ZNF804B: variants seen among roughly 807,000 people sequenced by gnomAD.
The protein encoded by ZNF804B is zinc finger 804B.
ZNF804B carries 80 observed loss-of-function variants against 101.4 expected under a neutral mutation model. The observed-to-expected ratio is 0.79, with a 90% CI of 0.66 to 0.95. The LOEUF (loss-of-function observed/expected upper bound fraction) is 0.95. ZNF804B is among the 40% of genes least tolerant of loss of function. The pLI is 0.00. For missense variants in ZNF804B, 1,673 were observed against 1,561.9 expected (o/e 1.07, Z -1.20); for synonymous variants, 622 against 558.8 (o/e 1.11, Z -1.59).
chr7:89,140,993 A>T (rs1290068429), intron 1 of ZNF804B, among the ~76,000 whole-genome samples: 1 of 152,016 alleles, frequency 6.6e-6, no homozygotes, highest in Non-Finnish European at 1.5e-5. Flanking sequence ...TTGAACCCTT[A>T]GAGGACATTG....
chr7:88,988,486 G>A (rs1793797070), intron 1 of ZNF804B, among the ~76,000 whole-genome samples: 1 of 152,124 alleles, frequency 6.6e-6, no homozygotes, highest in Non-Finnish European at 1.5e-5. Context: ...CGTATATACA[G>A]CATCAACAGG....
intron 1 of ZNF804B, among the ~76,000 whole-genome samples, chr7:89,071,890 C>T (rs1789547493): frequency 6.6e-6 from 1 of 151,984 alleles, no homozygotes; most frequent in South Asian, 2.1e-4. Context: ...CTTATTGTTA[C>T]TTCTATAAGT....
chr7:89,207,437 C>G (rs1788730801), intron 1 of ZNF804B, among the ~76,000 whole-genome samples: 1 of 152,152 alleles, frequency 6.6e-6, no homozygotes, highest in Non-Finnish European at 1.5e-5. Flanking sequence ...GACTTATTCA[C>G]TATCATGAGA....
intron 1 of ZNF804B, among the ~76,000 whole-genome samples, chr7:89,082,798 A>T (rs1470094263): frequency 5.3e-5 from 8 of 151,792 alleles, no homozygotes; most frequent in African/African-American, 1.9e-4. Context: ...AATGGAAGAC[A>T]TGTGTAGCGA....
rs1175801139 is a variant in ZNF804B, at chr7:89,170,338, C to T, written c.109-47817C>T. Among the ~76,000 whole-genome samples the T allele has an allele frequency of 4.6e-5, 7 of 152,246 alleles. No individual in the cohort carries two copies. In the East Asian group the frequency reaches 1.3e-3, roughly 29 times the overall value. On this transcript the variant is annotated intron_variant, in intron 1 of 3. Transcript: ENST00000333190. ...TACCTAACCAATGAAAGTGTCAATC[C>T]ATTGCCTTTGTAGATGCAGAAACTA...
intron 1 of ZNF804B, among the ~76,000 whole-genome samples, chr7:88,832,534 T>C (rs1791148017): frequency 6.6e-6 from 1 of 151,982 alleles, no homozygotes. Context: ...GCGGGAGCTA[T>C]TTTTTGTTTG....
At chr7:88,833,414 G>C (rs775859289) in intron 1 of ZNF804B, among the ~76,000 whole-genome samples, 3 of 151,824 alleles carry the variant, frequency 2.0e-5, no homozygotes, top group Non-Finnish European at 4.4e-5. Flanking sequence ...GGGTTAACAG[G>C]TTCTTTAGCT....
intron 1 of ZNF804B, among the ~76,000 whole-genome samples, chr7:89,117,998 A>T (rs890970681): frequency 1.3e-5 from 2 of 152,182 alleles, no homozygotes; most frequent in African/African-American, 2.4e-5. Flanking sequence ...ATACAAAAGC[A>T]TGAATTATTT....
At chr7:89,083,608 A>G (rs1789729552) in intron 1 of ZNF804B, among the ~76,000 whole-genome samples, 1 of 151,940 alleles carries the variant, frequency 6.6e-6, no homozygotes, top group Non-Finnish European at 1.5e-5. Flanking sequence ...TACTCAAGCA[A>G]TATTCCAAGT....
intron 1 of ZNF804B, among the ~76,000 whole-genome samples, chr7:88,854,414 C>T (rs199571978): frequency 0.011 from 653 of 57,036 alleles, 55 homozygotes; most frequent in African/African-American, 0.02. Context: ...TTTCTTTCTT[C>T]CTTTCTTTCT....
At chr7:88,981,349 C>T (rs931493017) in intron 1 of ZNF804B, among the ~76,000 whole-genome samples, 14 of 152,074 alleles carry the variant, frequency 9.2e-5, no homozygotes, top group Non-Finnish European at 1.6e-4. Flanking sequence ...CTCTATTCTA[C>T]TGTGGTTGAG....
intron 2 of ZNF804B, among the ~76,000 whole-genome samples, chr7:89,235,011 A>G (rs1789258778): frequency 1.3e-5 from 2 of 152,130 alleles, no homozygotes; most frequent in Non-Finnish European, 2.9e-5. Flanking sequence ...CTATTACACC[A>G]TCATAAACTC....
chr7:88,776,555 G>GTTTTTTTTTTTTTT (rs10630362), intron 1 of ZNF804B, among the ~76,000 whole-genome samples: 2 of 106,456 alleles, frequency 1.9e-5, no homozygotes, highest in African/African-American at 6.6e-5. Context: ...TTCTCGTGGT[G>GTTTTTTTTTTTTTT]TTTTGTTTTT....
At chr7:88,991,790 T>C (rs1472755557) in intron 1 of ZNF804B, among the ~76,000 whole-genome samples, 1 of 152,194 alleles carries the variant, frequency 6.6e-6, no homozygotes, top group Non-Finnish European at 1.5e-5. Context: ...TGAAGCTACA[T>C]GCCAGAGCCT....
intron 1 of ZNF804B, among the ~76,000 whole-genome samples, chr7:89,153,431 T>TG (rs1461157753): frequency 4.6e-5 from 4 of 87,492 alleles, no homozygotes; most frequent in South Asian, 4.6e-4. Flanking sequence ...ATGATGATGA[T>TG]AATAATAATA....
At chr7:89,107,600 C>T (rs1790154398) in intron 1 of ZNF804B, among the ~76,000 whole-genome samples, 1 of 152,006 alleles carries the variant, frequency 6.6e-6, no homozygotes, top group Non-Finnish European at 1.5e-5. Context: ...ACAGGAAAAA[C>T]CAGCATTTCT....
At chr7:88,967,632 T>C (rs11981222) in intron 1 of ZNF804B, among the ~76,000 whole-genome samples, 3,939 of 150,268 alleles carry the variant, frequency 0.026, 185 homozygotes, top group African/African-American at 0.091. Flanking sequence ...GGGGAGGCAG[T>C]CTAGAGCAGC....
At chr7:89,296,036 C>T (rs182434940) in intron 2 of ZNF804B, among the ~76,000 whole-genome samples, 1 of 152,168 alleles carries the variant, frequency 6.6e-6, no homozygotes, top group East Asian at 1.9e-4. Flanking sequence ...AAAAACTACA[C>T]ATTAGATACA....
In ZNF804B at chr7:89,335,643, G is replaced by T. The variant is rs138375583; in HGVS notation, c.2661G>T (p.Arg887Ser). ...SPHICDLGKV[R>S]PMKCNSGNIS... ...ACATTTGTGATCTGGGAAAAGTCAG[G>T]CCCATGAAGTGTAACTCCGGGAATA... Residue 887 changes from arginine to serine, a missense_variant, in exon 4 of 4, where the codon AGG (arginine) becomes AGT (serine). Physicochemically the swap from Arg to Ser is moderately radical, Grantham distance 110 (BLOSUM62 -1). Transcript: ENST00000333190. 1.0e-3 allele frequency: 1,636 copies of T among 1,613,964 alleles called. No homozygotes were observed. Among genetic ancestry groups the T allele is most frequent in the Non-Finnish European group, 1.3e-3 (1,519 of 1,179,958 alleles).
Sources: allele counts gnomAD v4.1 joint callset (sites outside exome capture counted in the v4.1 genomes callset), GRCh38; gene constraint gnomAD v4.1.1; transcripts MANE v1.5; gene names NCBI Gene and HGNC (gene_info 2026-07-23, HGNC 2026-07-21).